Variants in ASIC2 observed in about 807,000 individuals in gnomAD.
The protein encoded by ASIC2 is acid-sensing ion channel 2.
Under a neutral mutation model 57.3 loss-of-function variants are expected in ASIC2, and 25 were observed. The observed-to-expected ratio is 0.44, with a 90% CI of 0.32 to 0.61. ASIC2 has a LOEUF of 0.61. ASIC2 is among the 20% of genes least tolerant of loss of function. ASIC2 has a pLI of 0.06. For missense variants in ASIC2, 641 were observed against 738.1 expected, an observed-to-expected ratio of 0.87 and a Z score of 1.52; for synonymous variants, 319 against 307.5, an observed-to-expected ratio of 1.04 and a Z score of -0.39.
intron 1 of ASIC2, among the ~76,000 whole-genome samples, chr17:33,691,277 T>C (rs1288207830): frequency 6.6e-6 from 1 of 152,234 alleles, no homozygotes; most frequent in African/African-American, 2.4e-5. Context: ...TGTGCACGTA[T>C]AATTTTGATG....
At chr17:33,073,598 A>G (rs945421522) in intron 3 of ASIC2, among the ~76,000 whole-genome samples, 4 of 152,316 alleles carry the variant, frequency 2.6e-5, no homozygotes, top group Middle Eastern at 3.4e-3. Flanking sequence ...GGGGATCCCG[A>G]GAGACTAAGA....
At chr17:33,261,820 G>A (rs532974118) in intron 1 of ASIC2, among the ~76,000 whole-genome samples, 11 of 132 alleles carry the variant, frequency 0.083, no homozygotes, top group African/African-American at 0.25. Context: ...TCACGACGAG[G>A]TGAACGTGGG....
intron 1 of ASIC2, among the ~76,000 whole-genome samples, chr17:34,024,310 T>C (rs1907291388): frequency 6.6e-6 from 1 of 152,220 alleles, no homozygotes; most frequent in East Asian, 1.9e-4. Flanking sequence ...TAGAAACTAA[T>C]GAGGCAGAAA....
intron 1 of ASIC2, among the ~76,000 whole-genome samples, chr17:33,842,746 G>T (rs1208758135): frequency 6.6e-6 from 1 of 152,220 alleles, no homozygotes; most frequent in African/African-American, 2.4e-5. Flanking sequence ...AGCTGAGGAT[G>T]AAGATTGGAC....
chr17:33,656,735 G>A (rs1308684936), intron 1 of ASIC2, among the ~76,000 whole-genome samples: 1 of 152,014 alleles, frequency 6.6e-6, no homozygotes, highest in African/African-American at 2.4e-5. Context: ...CCCTATGGTG[G>A]GTCTTTATCC....
intron 1 of ASIC2, among the ~76,000 whole-genome samples, chr17:33,900,264 T>C (rs1915202606): frequency 6.6e-6 from 1 of 152,196 alleles, no homozygotes; most frequent in Non-Finnish European, 1.5e-5. Context: ...GTTCACCATC[T>C]TCATCCCCTA....
chr17:33,889,999 A>G (rs895202541), intron 1 of ASIC2, among the ~76,000 whole-genome samples: 13 of 152,200 alleles, frequency 8.5e-5, no homozygotes, highest in African/African-American at 9.6e-5. Context: ...GGGTGAGGCC[A>G]TGTTCCATGA....
At chr17:33,198,963 C>T (rs1472229814) in intron 1 of ASIC2, among the ~76,000 whole-genome samples, 1 of 152,162 alleles carries the variant, frequency 6.6e-6, no homozygotes, top group Non-Finnish European at 1.5e-5. Context: ...TTTGATTTAA[C>T]CTTGCTATCT....
At position 33,575,312 on chromosome 17, in the gene ASIC2, A is replaced by G. The variant is rs539190808; in HGVS notation, c.556-463245T>C. On this transcript the variant is annotated intron_variant, in intron 1 of 9. Transcript: ENST00000359872. ...CGACGATTCATGTAAAGTACTTAAC[A>G]CATAGCACAAGTTCCATAGATGCCA... Among the ~76,000 whole-genome samples, 20 of 152,378 alleles carry G rather than the reference A, an allele frequency of 1.3e-4. 1 individual carries two copies. In the East Asian group the frequency reaches 3.9e-3, roughly 29 times the overall value.
rs12938261 is a variant in ASIC2, at chr17:33,663,461, T to C, written c.555+492517A>G. ...GGCTAATGCCGTCGTTTTTTTTTTT[T>C]CTTCTTCTCCAATCTTCACAGAAGT... On this transcript the variant is annotated intron_variant, in intron 1 of 9. Transcript: ENST00000359872. 9.2e-3 allele frequency among the ~76,000 whole-genome samples: 1,395 copies of C among 151,188 alleles called. 20 individuals carry two copies. The highest frequency in any genetic ancestry group is 0.032 in the African/African-American group (1,290 of 40,898).
chr17:33,061,633 T>G (rs1033344855), intron 3 of ASIC2, among the ~76,000 whole-genome samples: 1 of 152,202 alleles, frequency 6.6e-6, no homozygotes, highest in African/African-American at 2.4e-5. Flanking sequence ...CTTTTTTTGT[T>G]GTGTCTCTGC....
intron 1 of ASIC2, among the ~76,000 whole-genome samples, chr17:33,778,356 A>G (rs1363441064): frequency 6.6e-6 from 1 of 152,148 alleles, no homozygotes; most frequent in Non-Finnish European, 1.5e-5. Context: ...GCCACACCTC[A>G]TCCCCTGCCC....
intron 3 of ASIC2, among the ~76,000 whole-genome samples, chr17:33,039,197 G>A (rs2091921182): frequency 1.3e-5 from 2 of 150,460 alleles, no homozygotes; most frequent in Non-Finnish European, 2.9e-5. Context: ...TCTGCCACAG[G>A]GATAGGACAC....
upstream of ASIC2, among the ~76,000 whole-genome samples, chr17:33,296,869 G>C (rs1475029379): frequency 6.6e-6 from 1 of 152,230 alleles, no homozygotes; most frequent in African/African-American, 2.4e-5. Context: ...GAATTGGAAA[G>C]TATCTGAGAT....
intron 1 of ASIC2, among the ~76,000 whole-genome samples, chr17:33,994,406 G>A (rs370391904): frequency 1.3e-4 from 20 of 152,276 alleles, no homozygotes; most frequent in East Asian, 5.8e-4. Context: ...AAAGTAGACC[G>A]TCAGAAGTCA....
chr17:33,185,804 T>C (rs545487346), intron 1 of ASIC2, among the ~76,000 whole-genome samples: 2 of 152,290 alleles, frequency 1.3e-5, no homozygotes, highest in Admixed American at 1.3e-4. Flanking sequence ...AGACTGGGAA[T>C]ACCATGTGTT....
At chr17:33,046,200 C>A (rs906121536) in intron 3 of ASIC2, among the ~76,000 whole-genome samples, 19 of 152,156 alleles carry the variant, frequency 1.2e-4, no homozygotes, top group Non-Finnish European at 4.4e-5. Flanking sequence ...GGATGAGTGA[C>A]AAGGGCAGGG....
chr17:34,025,768 T>C (rs1220430029), intron 1 of ASIC2, among the ~76,000 whole-genome samples: 1 of 152,174 alleles, frequency 6.6e-6, no homozygotes, highest in Non-Finnish European at 1.5e-5. Flanking sequence ...AGTTTCCTTA[T>C]CAACAAAAGA....
chr17:33,432,285 G>A (rs1266065675), intron 1 of ASIC2, among the ~76,000 whole-genome samples: 2 of 152,200 alleles, frequency 1.3e-5, no homozygotes, highest in Admixed American at 6.5e-5. Context: ...GGAGGCCCAG[G>A]TGGGAGGATT....
Sources: allele counts gnomAD v4.1 joint callset (sites outside exome capture counted in the v4.1 genomes callset), GRCh38; gene constraint gnomAD v4.1.1; transcripts MANE v1.5; gene names NCBI Gene and HGNC (gene_info 2026-07-23, HGNC 2026-07-21).